Variants in HGS observed in about 807,000 individuals in gnomAD.
HGS encodes human growth factor-regulated tyrosine kinase substrate.
A neutral mutation model predicts 109.7 loss-of-function variants in HGS; 63 were observed. The observed-to-expected ratio is 0.57, with a 90% CI of 0.47 to 0.71. The LOEUF is 0.71. HGS is among the 30% of genes least tolerant of loss of function. The pLI is 0.00. For synonymous variants in HGS, 546 were observed against 437.3 expected, an observed-to-expected ratio of 1.25 and a Z score of -3.10; for missense variants, 995 against 1,068.3, an observed-to-expected ratio of 0.93 and a Z score of 0.96.
intron 15 of HGS, 171 bp downstream of exon 15, chr17:81,696,170 GCC>G: frequency 1.7e-6 from 1 of 589,468 alleles, no homozygotes; most frequent in Non-Finnish European, 2.6e-6. Context: ...ACCATGCCCT[GCC>G]CTGCCCTGCC....
At position 81,690,234 on chromosome 17, in the gene HGS, A is replaced by G. The variant is rs766367050; in HGVS notation, c.468A>G (p.Arg156=). ...GCGATGCCATGTTTGCTGCCGAGAG[A>G]GTGAGTGTGGGCGGCCGCCAGGGGT... is the stretch of plus-strand genomic sequence containing the variant. ...KESDAMFAAE[R]APDWVDAEEC... Residue 156 remains arginine (R), a splice_region_variant and synonymous_variant, in exon 6 of 22, where the codon AGA becomes AGG. Transcript: ENST00000329138. The G allele has an allele frequency of 7.4e-6, 12 of 1,613,378 alleles. No individual in the cohort carries two copies. Among genetic ancestry groups the G allele is most frequent in the Non-Finnish European group, 1.0e-5 (12 of 1,179,682 alleles).
Position 81,694,916 on chromosome 17 carries a change from G to C in HGS, c.976-8G>C, listed in dbSNP as rs770386705. The C allele has an allele frequency of 4.3e-6, 7 of 1,614,212 alleles. No individual in the cohort carries two copies. The South Asian group carries it at 7.7e-5, about 18-fold the overall frequency. Reference sequence around the variant, plus strand: ...TGGCCTTGGGAGTGACCCCCTCATTGCCTGCAGCTCGCACGGTATCTCAAC... The same window carrying C: ...TGGCCTTGGGAGTGACCCCCTCATTCCCTGCAGCTCGCACGGTATCTCAAC... On this transcript the variant is annotated splice_region_variant and splice_polypyrimidine_tract_variant and intron_variant, in intron 12 of 21. Coordinates refer to ENST00000329138, the MANE Select transcript of HGS (RefSeq NM_004712.5).
At position 81,690,707 on chromosome 17, in the gene HGS, C is replaced by T. The variant is rs1270724808; in HGVS notation, c.502C>T (p.Arg168Cys). The change falls in exon 7 of 22, where the codon CGC becomes TGC. Residue 168 changes from arginine (R) to cysteine (C), a missense_variant. By Grantham distance (180) the Arg-to-Cys change is radical. This residue lies in a region of HGS where 182 missense variants were observed against 261.3 expected (regional missense o/e 0.70). Coordinates refer to ENST00000329138, the MANE Select transcript of HGS (RefSeq NM_004712.5). ...CTGGGTGGACGCTGAGGAATGCCAC[C>T]GCTGCAGGGTGCAGTTCGGGGTGAT... ...PDWVDAEECH[R>C]CRVQFGVMTR... 2 of 1,613,128 alleles carry T rather than the reference C, an allele frequency of 1.2e-6. No individual in the cohort carries two copies. The highest frequency in any genetic ancestry group is 1.7e-6 in the Non-Finnish European group (2 of 1,179,776).
rs755507190 is a variant in HGS, at chr17:81,694,911, T to C, written c.976-13T>C. 1 of 1,614,170 alleles carries C rather than the reference T, an allele frequency of 6.2e-7. No individual in the cohort carries two copies. The highest frequency in any genetic ancestry group is 1.1e-5 in the South Asian group (1 of 91,082). ...GTTTCTGGCCTTGGGAGTGACCCCCTCATTGCCTGCAGCTCGCACGGTATC... is the reference window on the plus strand; with the variant it reads ...GTTTCTGGCCTTGGGAGTGACCCCCCCATTGCCTGCAGCTCGCACGGTATC... On this transcript the variant is annotated splice_polypyrimidine_tract_variant and intron_variant, in intron 12 of 21. Coordinates refer to ENST00000329138, the MANE Select transcript of HGS (RefSeq NM_004712.5).
At position 81,701,777 on chromosome 17, in the gene HGS, C is replaced by G. The variant is rs112155485; in HGVS notation, c.*159C>G. On this transcript the variant is annotated 3_prime_UTR_variant, in exon 22 of 22. Coordinates refer to ENST00000329138, the MANE Select transcript of HGS (RefSeq NM_004712.5). ...TCACCCCAAGCCCACCTCCCTTGTCCTCAGCCTACTGCAGTCCCTGAGTTA... is the reference window on the plus strand; with the variant it reads ...TCACCCCAAGCCCACCTCCCTTGTCGTCAGCCTACTGCAGTCCCTGAGTTA... 20 of 1,077,108 alleles carry G rather than the reference C, an allele frequency of 1.9e-5. No homozygotes were observed. The highest frequency in any genetic ancestry group is 1.6e-4 in the African/African-American group (10 of 62,732). 66.7% of individuals were successfully genotyped at this position (1,077,108 alleles called of 1,614,324 possible).
At position 81,693,880 on chromosome 17, in the gene HGS, C is replaced by G. The variant is rs764736298; in HGVS notation, c.851C>G (p.Ser284Cys). ...AEEKERLRQK[S>C]TYTSYPKAEP... Reference sequence around the variant, plus strand: ...CTGATTCTGCCTCAGAGACAGAAGTCCACGTACACTTCGTACCCCAAGGCG... The same window carrying G: ...CTGATTCTGCCTCAGAGACAGAAGTGCACGTACACTTCGTACCCCAAGGCG... The change falls in exon 11 of 22, where the codon TCC (serine) becomes TGC (cysteine). Residue 284 changes from serine to cysteine, a missense_variant. Ser to Cys is a moderately radical substitution (Grantham distance 112). This residue lies in a region of HGS where 300 missense variants were observed against 235.4 expected (regional missense o/e 1.27). Transcript: ENST00000329138. 1 of 1,609,712 alleles carries G rather than the reference C, an allele frequency of 6.2e-7. No individual in the cohort carries two copies. The highest frequency in any genetic ancestry group is 8.5e-7 in the Non-Finnish European group (1 of 1,179,274).
intron 4 of HGS, among the ~76,000 whole-genome samples, chr17:81,688,075 G>C (rs2037007652): frequency 6.6e-6 from 1 of 152,216 alleles, no homozygotes; most frequent in South Asian, 2.1e-4. Flanking sequence ...AGGGGTTCTG[G>C]AAAGGAGCTT....
At chr17:81,687,199 A>G (rs561048277) in intron 4 of HGS, 104 bp downstream of exon 4, 140 of 776,388 alleles carry the variant, frequency 1.8e-4, no homozygotes, top group Non-Finnish European at 2.8e-4. Flanking sequence ...TGTGGCGGAA[A>G]ATGTGCAGGT....
intron 6 of HGS, 102 bp downstream of exon 6, chr17:81,690,336 C>G: frequency 8.2e-7 from 1 of 1,219,140 alleles, no homozygotes; most frequent in Non-Finnish European, 1.2e-6. Context: ...TGGCTGAGCT[C>G]TCGTCTGTCT....
intron 18 of HGS, among the ~76,000 whole-genome samples, chr17:81,700,088 C>T (rs867523278): frequency 1.7e-4 from 23 of 133,848 alleles, no homozygotes; most frequent in South Asian, 5.2e-4. Context: ...AAAACTCGGC[C>T]GGGCGCGGTG....
chr17:81,698,933 G>A (rs1415443166), intron 18 of HGS, among the ~76,000 whole-genome samples: 2 of 152,082 alleles, frequency 1.3e-5, no homozygotes, highest in African/African-American at 4.8e-5. Flanking sequence ...CAGGCGTGAT[G>A]GTGCACACCT....
At chr17:81,686,939 C>T in intron 3 of HGS, 64 bp from the exon 4 acceptor site, 1 of 1,367,878 alleles carries the variant, frequency 7.3e-7, no homozygotes, top group Non-Finnish European at 1.0e-6. Flanking sequence ...GTGGGTCTGT[C>T]CGGGAGGAGG....
chr17:81,685,243 G>C (rs1019760145), intron 1 of HGS, among the ~76,000 whole-genome samples: 1 of 152,188 alleles, frequency 6.6e-6, no homozygotes, highest in African/African-American at 2.4e-5. Flanking sequence ...ACGGGTGATA[G>C]GGTTCTTTGT....
intron 11 of HGS, among the ~76,000 whole-genome samples, 169 bp downstream of exon 11, chr17:81,694,134 T>C (rs1010607110): frequency 1.3e-5 from 2 of 152,116 alleles, no homozygotes; most frequent in Non-Finnish European, 2.9e-5. Context: ...GCCCCACGGC[T>C]CCAGGCACCC....
intron 1 of HGS, chr17:81,684,962 G>A: frequency 1.0e-5 from 10 of 985,390 alleles, no homozygotes; most frequent in Admixed American, 6.1e-5. Flanking sequence ...ACGTGGCTTG[G>A]CTTGTTAGAT....
chr17:81,700,927 T>C, intron 20 of HGS, 113 bp downstream of exon 20: 3 of 1,517,344 alleles, frequency 2.0e-6, no homozygotes, highest in South Asian at 1.2e-5. Context: ...CTTCTGCTCC[T>C]CCCCCTCCAC....
In HGS at chr17:81,697,327, C is replaced by T. The variant is rs77679606; in HGVS notation, c.1882+329C>T. Reference sequence around the variant, plus strand: ...TCCCAGTGGTGTCCTGTAAACAGCACGCCCCCTGCTGCGTGGCATTTGCCC... The same window carrying T: ...TCCCAGTGGTGTCCTGTAAACAGCATGCCCCCTGCTGCGTGGCATTTGCCC... On this transcript the variant is annotated intron_variant, in intron 18 of 21. Coordinates refer to ENST00000329138, the MANE Select transcript of HGS (RefSeq NM_004712.5). 8.4e-3 allele frequency: 1,669 copies of T among 198,576 alleles called. 43 individuals are homozygous for T. The highest frequency in any genetic ancestry group is 0.038 in the African/African-American group (1,576 of 41,728). 12.3% of individuals were successfully genotyped at this position (198,576 alleles called of 1,614,324 possible).
chr17:81,685,360 G>A (rs565372015), intron 1 of HGS, among the ~76,000 whole-genome samples: 8 of 152,164 alleles, frequency 5.3e-5, no homozygotes, highest in East Asian at 1.9e-4. Flanking sequence ...TCTTTACCTC[G>A]CTCGCGGGTT....
Position 81,701,832 on chromosome 17 carries a change from C to T in HGS, c.*214C>T. 1.5e-6 allele frequency: 1 copy of T among 649,148 alleles called. No individual in the cohort carries two copies. Among genetic ancestry groups the T allele is most frequent in the Non-Finnish European group, 2.4e-6 (1 of 420,760 alleles). The allele number at this position is 649,148 out of a possible 1,614,324, so 40.2% of individuals were successfully genotyped here. ...CTGCTTTCTTTCCCCAGGGCTGGGC[C>T]ATGGGGAGGGAAGGACTTTCTCCCA... On this transcript the variant is annotated 3_prime_UTR_variant, in exon 22 of 22. Transcript: ENST00000329138.
Sources: allele counts gnomAD v4.1 joint callset (sites outside exome capture counted in the v4.1 genomes callset), GRCh38; gene constraint gnomAD v4.1.1; regional missense constraint gnomAD v4.1.1; transcripts MANE v1.5; gene names NCBI Gene and HGNC (gene_info 2026-07-23, HGNC 2026-07-21).